The following DPP10 variants were observed in gnomAD, a reference collection of about 807,000 sequenced individuals.
DPP10 encodes inactive dipeptidyl peptidase 10.
DPP10 carries 33 observed loss-of-function variants against 120.9 expected under a neutral mutation model. The ratio of observed to expected loss-of-function variants is 0.27; its 90% CI spans 0.21 to 0.37. DPP10 has a LOEUF of 0.37. Ranked by LOEUF, DPP10 falls within the 10% of genes least tolerant of loss-of-function variation. The probability of loss-of-function intolerance (pLI) is 1.00; values close to 1 mark genes in which losing one functional copy is unlikely to be tolerated. For synonymous variants in DPP10, 337 were observed against 326.1 expected (o/e 1.03, Z -0.36); for missense variants, 816 against 942.8 (o/e 0.87, Z 1.76).
At chr2:114,766,039 G>GT (rs1160238852) in intron 1 of DPP10, among the ~76,000 whole-genome samples, 1 of 151,786 alleles carries the variant, frequency 6.6e-6, no homozygotes, top group Non-Finnish European at 1.5e-5. Context: ...AATAAGAAAC[G>GT]TATTTAGACT....
chr2:115,759,036 A>G (rs532126241), intron 11 of DPP10, among the ~76,000 whole-genome samples: 1 of 152,314 alleles, frequency 6.6e-6, no homozygotes, highest in East Asian at 1.9e-4. Flanking sequence ...ATCATTAATT[A>G]TGAAACAATA....
At chr2:114,829,469 C>T (rs1425859827) in intron 1 of DPP10, among the ~76,000 whole-genome samples, 5 of 150,514 alleles carry the variant, frequency 3.3e-5, no homozygotes, top group South Asian at 2.1e-4. Flanking sequence ...CTGCAACCTC[C>T]GCCTCCCAGG....
chr2:115,262,742 C>G (rs1049396446), intron 1 of DPP10, among the ~76,000 whole-genome samples: 1 of 152,134 alleles, frequency 6.6e-6, no homozygotes, highest in African/African-American at 2.4e-5. Flanking sequence ...AAAGTTTTCT[C>G]CTCATCTGTA....
At chr2:115,123,885 A>G (rs1160939456) in intron 1 of DPP10, among the ~76,000 whole-genome samples, 2 of 151,734 alleles carry the variant, frequency 1.3e-5, no homozygotes, top group Non-Finnish European at 2.9e-5. Flanking sequence ...ATTAGCCATT[A>G]TTTTATTACC....
At chr2:114,713,176 T>A (rs1194280499) in intron 1 of DPP10, among the ~76,000 whole-genome samples, 1 of 152,022 alleles carries the variant, frequency 6.6e-6, no homozygotes, top group Non-Finnish European at 1.5e-5. Flanking sequence ...TTAGTAGAGA[T>A]GGGGTTTCAC....
chr2:115,755,798 G>T (rs1432188255), intron 11 of DPP10, among the ~76,000 whole-genome samples: 1 of 151,938 alleles, frequency 6.6e-6, no homozygotes, highest in Non-Finnish European at 1.5e-5. Flanking sequence ...ACCTGCATCT[G>T]ATGTTTACTG....
chr2:114,903,937 G>A (rs1399388159), intron 1 of DPP10, among the ~76,000 whole-genome samples: 1 of 152,206 alleles, frequency 6.6e-6, no homozygotes, highest in Admixed American at 6.5e-5. Flanking sequence ...ACCTTTAAGA[G>A]CAGGAAGAAT....
chr2:115,823,326 A>AT (rs1215129570), intron 21 of DPP10, among the ~76,000 whole-genome samples: 4 of 152,164 alleles, frequency 2.6e-5, no homozygotes, highest in African/African-American at 7.2e-5. Flanking sequence ...AATATTAATT[A>AT]TTTTTTATTA....
At chr2:115,185,277 A>G (rs1427379425) in intron 1 of DPP10, among the ~76,000 whole-genome samples, 1 of 151,122 alleles carries the variant, frequency 6.6e-6, no homozygotes, top group Non-Finnish European at 1.5e-5. Context: ...GACTATACGC[A>G]TACAATATAT....
chr2:115,232,750 T>A (rs2057799238), intron 1 of DPP10, among the ~76,000 whole-genome samples: 1 of 152,358 alleles, frequency 6.6e-6, no homozygotes. Context: ...TACACTTATT[T>A]TGAACTCTTA....
chr2:114,837,832 C>T (rs187697096), intron 1 of DPP10, among the ~76,000 whole-genome samples: 112 of 152,314 alleles, frequency 7.4e-4, no homozygotes, highest in African/African-American at 2.6e-3. Flanking sequence ...TCTCACCCAC[C>T]TCTGCTCAGC....
At chr2:114,567,824 C>T (rs1378004138) in intron 1 of DPP10, among the ~76,000 whole-genome samples, 1 of 151,994 alleles carries the variant, frequency 6.6e-6, no homozygotes, top group Admixed American at 6.6e-5. Context: ...AACTCACGGA[C>T]ACAGGAACGG....
intron 2 of DPP10, among the ~76,000 whole-genome samples, chr2:115,316,367 CA>C (rs1277587383): frequency 1.3e-5 from 2 of 151,830 alleles, no homozygotes; most frequent in Non-Finnish European, 2.9e-5. Context: ...ATGATAGGGG[CA>C]AAAAAATATT....
At chr2:115,306,659 A>G (rs1320862665) in intron 1 of DPP10, among the ~76,000 whole-genome samples, 2 of 152,128 alleles carry the variant, frequency 1.3e-5, no homozygotes, top group African/African-American at 2.4e-5. Flanking sequence ...GCAGTTCTCA[A>G]ATAGGGACTT....
rs1350978304 is a variant in DPP10, at chr2:115,814,828, A to G, written c.1736A>G (p.Lys579Arg). The change falls in exon 20 of 26, where the codon AAG becomes AGG. Residue 579 changes from lysine (K) to arginine (R), a missense_variant. Physicochemically the swap from Lys to Arg is conservative, Grantham distance 26. Transcript: ENST00000410059. ...EEPGGQLVTDKFHIDWDSVLI... is the reference protein window; with the variant it reads ...EEPGGQLVTDRFHIDWDSVLI... ...CCAGGAGGCCAGCTGGTTACAGATA[A>G]GTTCCATATTGACTGGGATTCCGTA... The G allele has an allele frequency of 1.3e-6, 2 of 1,578,032 alleles. No individual in the cohort carries two copies.
chr2:114,836,578 TCAC>T (rs1687757195), intron 1 of DPP10, among the ~76,000 whole-genome samples: 1 of 152,030 alleles, frequency 6.6e-6, no homozygotes, highest in South Asian at 2.1e-4. Flanking sequence ...CAGGGCGAGA[TCAC>T]AGGACCACAG....
At chr2:115,292,343 A>G (rs1347964736) in intron 1 of DPP10, among the ~76,000 whole-genome samples, 1 of 152,110 alleles carries the variant, frequency 6.6e-6, no homozygotes, top group Admixed American at 6.6e-5. Context: ...TTAGAACAGC[A>G]TTATTTAAAC....
chr2:115,642,520 T>G (rs1313059568), intron 5 of DPP10, among the ~76,000 whole-genome samples: 1 of 152,164 alleles, frequency 6.6e-6, no homozygotes, highest in Non-Finnish European at 1.5e-5. Context: ...TTTTGGACTC[T>G]GCAGTCTCCA....
intron 3 of DPP10, among the ~76,000 whole-genome samples, chr2:115,483,471 CTA>C (rs1405731853): frequency 0.091 from 1,526 of 16,836 alleles, 25 homozygotes; most frequent in African/African-American, 0.12. Context: ...ATCTATCTAT[CTA>C]TCTATCTGTA....
Sources: allele counts gnomAD v4.1 joint callset (sites outside exome capture counted in the v4.1 genomes callset), GRCh38; gene constraint gnomAD v4.1.1; transcripts MANE v1.5; gene names NCBI Gene and HGNC (gene_info 2026-07-23, HGNC 2026-07-21).